LGI2: variants seen among roughly 807,000 people sequenced by gnomAD.
LGI2 encodes the protein leucine rich repeat LGI family member 2.
In LGI2, 30 loss-of-function variants were observed where a neutral mutation model predicts 52.0. The ratio of observed to expected loss-of-function variants is 0.58; its 90% CI spans 0.43 to 0.78. The LOEUF (loss-of-function observed/expected upper bound fraction) is 0.78. Ranked by LOEUF, LGI2 falls within the 30% of genes least tolerant of loss-of-function variation. The pLI, the probability that LGI2 is intolerant of heterozygous loss-of-function variation, is 0.00. For synonymous variants in LGI2, 270 were observed against 271.8 expected, an observed-to-expected ratio of 0.99 and a Z score of 0.06; for missense variants, 573 against 692.5, an observed-to-expected ratio of 0.83 and a Z score of 1.94.
At chr4:25,007,982 G>T (rs116145095) in intron 7 of LGI2, among the ~76,000 whole-genome samples, 1 of 152,224 alleles carries the variant, frequency 6.6e-6, no homozygotes, top group Non-Finnish European at 1.5e-5. Context: ...CTTGAAGCAA[G>T]TAGCACCTAG....
At chr4:25,009,825 G>A (rs548481620) in intron 7 of LGI2, among the ~76,000 whole-genome samples, 27 of 151,838 alleles carry the variant, frequency 1.8e-4, no homozygotes, top group African/African-American at 4.6e-4. Flanking sequence ...TAGTAGAGAC[G>A]GGGTTTCATC....
intron 5 of LGI2, 129 bp from the exon 6 acceptor site, chr4:25,018,287 TA>T (rs981827025): frequency 1.1e-5 from 7 of 625,632 alleles, no homozygotes; most frequent in African/African-American, 9.2e-5. Context: ...AAATGGAGTT[TA>T]AAAACTTTTA....
rs1443117883 is a variant in LGI2, at chr4:24,999,683, G to A, written c.*3768C>T. 7.9e-6 allele frequency: 3 copies of A among 378,346 alleles called. No homozygotes were observed. The highest frequency in any genetic ancestry group is 4.2e-5 in the African/African-American group (2 of 47,236). The allele number at this position is 378,346 out of a possible 1,614,324, so 23.4% of individuals were successfully genotyped here. A position where few individuals can be genotyped will look rare whatever the true frequency, so the allele number is the denominator to read the frequency against. On this transcript the variant is annotated 3_prime_UTR_variant, in exon 8 of 8. Coordinates refer to ENST00000382114, the MANE Select transcript of LGI2 (RefSeq NM_018176.4). ...TCATCTCACCTTCATTATACCCCAG[G>A]CCAGAGAAATTTCCATCATGAGCAC... is the stretch of plus-strand genomic sequence containing the variant.
At chr4:24,992,574 T>A in the LGI2 span, among the ~76,000 whole-genome samples, 7 of 146,822 alleles carry the variant, frequency 4.8e-5, no homozygotes, top group Admixed American at 3.4e-4. Flanking sequence ...AAATAAAAAA[T>A]AAAAAAAAAA....
rs1200031733 is a variant in LGI2, at chr4:24,999,938, T to C, written c.*3513A>G. 2 of 449,174 alleles carry C rather than the reference T, an allele frequency of 4.5e-6. No individual in the cohort carries two copies. The highest frequency in any genetic ancestry group is 4.5e-6 in the Non-Finnish European group (1 of 222,348). 27.8% of individuals were successfully genotyped at this position (449,174 alleles called of 1,614,324 possible). On this transcript the variant is annotated 3_prime_UTR_variant, in exon 8 of 8. Transcript: ENST00000382114. ...GACAATGTGACAAGAACCAGATGTGTCTCAACCTCAACATCCTCCCCATAG... is the reference window on the plus strand; with the variant it reads ...GACAATGTGACAAGAACCAGATGTGCCTCAACCTCAACATCCTCCCCATAG...
At chr4:25,024,311 C>T (rs1216553768) in intron 4 of LGI2, among the ~76,000 whole-genome samples, 4 of 152,110 alleles carry the variant, frequency 2.6e-5, no homozygotes, top group Non-Finnish European at 5.9e-5. Context: ...ATCAGGAGTT[C>T]GAGACCAGCC....
At chr4:25,027,828 C>T (rs1446090938) in intron 2 of LGI2, among the ~76,000 whole-genome samples, 1 of 152,232 alleles carries the variant, frequency 6.6e-6, no homozygotes, top group African/African-American at 2.4e-5. Flanking sequence ...TTTTCATCAG[C>T]ACACATTACC....
the LGI2 span, among the ~76,000 whole-genome samples, chr4:24,992,248 A>G: frequency 6.6e-6 from 1 of 152,112 alleles, no homozygotes; most frequent in Non-Finnish European, 1.5e-5. Flanking sequence ...GGTTGGAGTA[A>G]GAGGCTCCAA....
downstream of LGI2, among the ~76,000 whole-genome samples, chr4:24,994,481 C>T (rs928916511): frequency 1.3e-5 from 2 of 152,172 alleles, no homozygotes; most frequent in Admixed American, 6.5e-5. Context: ...GCCTCACTCT[C>T]CAGTCCCAGT....
intron 6 of LGI2, among the ~76,000 whole-genome samples, chr4:25,015,442 C>T (rs1725727702): frequency 6.6e-6 from 1 of 152,086 alleles, no homozygotes; most frequent in Non-Finnish European, 1.5e-5. Flanking sequence ...ATGTAAAGAC[C>T]TGAAACAGCC....
chr4:24,995,136 A>G (rs1463507996), downstream of LGI2, among the ~76,000 whole-genome samples: 1 of 152,080 alleles, frequency 6.6e-6, no homozygotes, highest in East Asian at 1.9e-4. Context: ...CTCTCCCTTA[A>G]ACAGTATGTG....
chr4:25,024,679 G>C (rs1317587600), intron 4 of LGI2, 141 bp downstream of exon 4: 2 of 569,218 alleles, frequency 3.5e-6, no homozygotes, highest in Admixed American at 3.4e-5. Context: ...GCCAGTGTCT[G>C]ACTGACAACA....
intron 6 of LGI2, among the ~76,000 whole-genome samples, chr4:25,015,259 C>T (rs966828102): frequency 5.9e-5 from 9 of 152,192 alleles, no homozygotes; most frequent in African/African-American, 1.9e-4. Flanking sequence ...TTTCTCTGTG[C>T]ATTTTCATCA....
intron 7 of LGI2, among the ~76,000 whole-genome samples, chr4:25,008,552 T>TAAAA (rs1725468255): frequency 2.6e-5 from 1 of 39,018 alleles, no homozygotes; most frequent in Non-Finnish European, 4.5e-5. Flanking sequence ...AGACTCTGTC[T>TAAAA]CAAAAAAAAA....
chr4:25,014,484 C>CCAAA (rs1553871855), intron 6 of LGI2, among the ~76,000 whole-genome samples: 3 of 116,890 alleles, frequency 2.6e-5, no homozygotes, highest in Non-Finnish European at 3.4e-5. Context: ...CCGCCCCCGC[C>CCAAA]AAAAAAAAGG....
At chr4:25,020,902 A>G (rs1334771602) in intron 4 of LGI2, among the ~76,000 whole-genome samples, 1 of 152,220 alleles carries the variant, frequency 6.6e-6, no homozygotes. Flanking sequence ...CTGAATATGT[A>G]ATCAGACTAA....
intron 7 of LGI2, among the ~76,000 whole-genome samples, chr4:25,005,303 C>T (rs1177255321): frequency 2.0e-5 from 3 of 152,154 alleles, no homozygotes; most frequent in African/African-American, 7.2e-5. Flanking sequence ...TATGTTGCCA[C>T]AATTAAAACA....
At position 25,002,744 on chromosome 4, in the gene LGI2, G is replaced by A. The variant is rs1292311032; in HGVS notation, c.*707C>T. 2 of 152,726 alleles carry A rather than the reference G, an allele frequency of 1.3e-5. No homozygotes were observed. Among genetic ancestry groups the A allele is most frequent in the Non-Finnish European group, 2.9e-5 (2 of 68,114 alleles). 9.5% of individuals were successfully genotyped at this position (152,726 alleles called of 1,614,324 possible). A position where few individuals can be genotyped will look rare whatever the true frequency, so the allele number is the denominator to read the frequency against. ...AGGGTCACCTTTGAACCGTAAGAAAGAGGGAAAAACTCCTTTGAGTCACTC... is the reference window on the plus strand; with the variant it reads ...AGGGTCACCTTTGAACCGTAAGAAAAAGGGAAAAACTCCTTTGAGTCACTC... On this transcript the variant is annotated 3_prime_UTR_variant, in exon 8 of 8. Transcript: ENST00000382114.
chr4:24,998,414 C>T (rs575167295), downstream of LGI2, among the ~76,000 whole-genome samples: 2 of 152,226 alleles, frequency 1.3e-5, no homozygotes, highest in Non-Finnish European at 2.9e-5. Context: ...TGAAGATATA[C>T]GTGGCAAACA....
Sources: allele counts gnomAD v4.1 joint callset (sites outside exome capture counted in the v4.1 genomes callset), GRCh38; gene constraint gnomAD v4.1.1; transcripts MANE v1.5; gene names NCBI Gene and HGNC (gene_info 2026-07-23, HGNC 2026-07-21).